PTPRA: variants seen among roughly 807,000 people sequenced by gnomAD.
PTPRA encodes protein tyrosine phosphatase receptor type A.
PTPRA carries 25 observed loss-of-function variants against 104.8 expected under a neutral mutation model. That is an observed-to-expected ratio of 0.24 (90% confidence interval 0.17 to 0.33). The LOEUF (loss-of-function observed/expected upper bound fraction) is 0.33. Ranked by LOEUF, PTPRA falls within the 10% of genes least tolerant of loss-of-function variation. The pLI, the probability that PTPRA is intolerant of heterozygous loss-of-function variation, is 1.00. For missense variants in PTPRA, 765 were observed against 1,015.3 expected (o/e 0.75, Z 3.35); for synonymous variants, 323 against 368.9 (o/e 0.88, Z 1.43).
chr20:2,876,741 G>C (rs764578917), intron 1 of PTPRA, among the ~76,000 whole-genome samples: 3 of 152,194 alleles, frequency 2.0e-5, no homozygotes, highest in Non-Finnish European at 4.4e-5. Context: ...TTGATTTGCA[G>C]ACATGGAGCC....
the PTPRA span, chr20:2,864,990 C>T: frequency 3.1e-6 from 5 of 1,613,994 alleles, no homozygotes; most frequent in African/African-American, 4.0e-5. This position sits in a 1 kb window ranked among gnomAD's most constrained non-coding sequence, Gnocchi z 5.2. Context: ...TATTGAGGGG[C>T]GAGTAGCAGC....
chr20:2,916,603 G>C (rs1452423534), intron 1 of PTPRA, among the ~76,000 whole-genome samples: 1 of 152,156 alleles, frequency 6.6e-6, no homozygotes, highest in East Asian at 1.9e-4. Flanking sequence ...CTTCTGGGAG[G>C]GTGAGGCAGA....
At chr20:2,903,118 A>G (rs553996551) in intron 1 of PTPRA, among the ~76,000 whole-genome samples, 1 of 152,202 alleles carries the variant, frequency 6.6e-6, no homozygotes, top group Non-Finnish European at 1.5e-5. Context: ...TGACTGCTCA[A>G]AGGAAATGCT....
intron 11 of PTPRA, among the ~76,000 whole-genome samples, chr20:3,008,350 G>A (rs994238579): frequency 1.3e-5 from 2 of 152,052 alleles, no homozygotes; most frequent in Non-Finnish European, 2.9e-5. Context: ...ATCATGGTAA[G>A]TGAAATAAGC....
At chr20:2,901,011 G>C (rs1014221481) in intron 1 of PTPRA, among the ~76,000 whole-genome samples, 3 of 151,756 alleles carry the variant, frequency 2.0e-5, no homozygotes, top group Non-Finnish European at 2.9e-5. Flanking sequence ...TTGCTCTGTT[G>C]CCCAGGCTAG....
At chr20:2,919,903 T>C (rs1050587180) in intron 1 of PTPRA, among the ~76,000 whole-genome samples, 1 of 152,228 alleles carries the variant, frequency 6.6e-6, no homozygotes. Context: ...AAAAGAAGAA[T>C]ACTATTTTGT....
At chr20:2,963,083 A>G (rs2061816426) in intron 3 of PTPRA, among the ~76,000 whole-genome samples, 1 of 152,212 alleles carries the variant, frequency 6.6e-6, no homozygotes, top group Non-Finnish European at 1.5e-5. Context: ...TGGTGGGGAC[A>G]TGCTACTATC....
At chr20:2,909,785 AAT>A (rs1371797401) in intron 1 of PTPRA, among the ~76,000 whole-genome samples, 3 of 134,362 alleles carry the variant, frequency 2.2e-5, no homozygotes, top group African/African-American at 8.4e-5. Context: ...AAGATAATAT[AAT>A]ATATATTAGA....
intron 1 of PTPRA, among the ~76,000 whole-genome samples, chr20:2,914,445 CTGTG>C (rs35272226): frequency 0.039 from 5,648 of 145,560 alleles, 135 homozygotes; most frequent in South Asian, 0.068. Flanking sequence ...ATTTCTTGCT[CTGTG>C]TGTGTGTGTG....
chr20:3,035,828 T>C lies in PTPRA; in HGVS notation c.2085T>C (p.His695=), dbSNP rs773398486. The change falls in exon 22 of 24, where the codon CAT becomes CAC. Residue 695 remains histidine (H), a synonymous_variant. Transcript: ENST00000399903. The surrounding 1 kb of genome is among the most constrained non-coding windows in gnomAD (Gnocchi z 5.8). ...KSRQIRQFHF[H]GWPEVGIPSD... Reference sequence around the variant, plus strand: ...GGCAGATCCGGCAGTTCCACTTCCATGGCTGGCCTGAAGTGGGCATCCCCA... The same window carrying C: ...GGCAGATCCGGCAGTTCCACTTCCACGGCTGGCCTGAAGTGGGCATCCCCA... 5.6e-6 allele frequency: 9 copies of C among 1,614,214 alleles called. No individual in the cohort carries two copies. The highest frequency in any genetic ancestry group is 7.6e-6 in the Non-Finnish European group (9 of 1,180,036).
chr20:2,930,569 T>C (rs2060468887), intron 2 of PTPRA, among the ~76,000 whole-genome samples: 1 of 152,168 alleles, frequency 6.6e-6, no homozygotes, highest in Admixed American at 6.5e-5. Flanking sequence ...TGGTTCCTTC[T>C]TGGGGGGAAT....
At chr20:2,896,916 T>C (rs2059021602) in intron 1 of PTPRA, among the ~76,000 whole-genome samples, 1 of 152,252 alleles carries the variant, frequency 6.6e-6, no homozygotes. Flanking sequence ...CAGTCTTTCC[T>C]TATTTTCAGT....
chr20:2,919,506 G>A (rs931508803), intron 1 of PTPRA, among the ~76,000 whole-genome samples: 4 of 152,156 alleles, frequency 2.6e-5, no homozygotes, highest in Admixed American at 2.6e-4. Context: ...GCTAGGCTCT[G>A]TGGATATTAT....
chr20:2,875,879 G>T (rs1023410791), intron 1 of PTPRA, among the ~76,000 whole-genome samples: 1 of 152,092 alleles, frequency 6.6e-6, no homozygotes, highest in Admixed American at 6.5e-5. Context: ...GGGACGGGGG[G>T]GCCTTCGGAT....
intron 11 of PTPRA, among the ~76,000 whole-genome samples, chr20:3,010,356 C>T (rs2064102707): frequency 2.0e-5 from 3 of 151,528 alleles, no homozygotes; most frequent in East Asian, 4.0e-4. Flanking sequence ...CAGCCGGGTG[C>T]GGTGGCTCAC....
intron 9 of PTPRA, among the ~76,000 whole-genome samples, chr20:2,992,686 G>A (rs1374652898): frequency 2.2e-5 from 1 of 45,820 alleles, no homozygotes; most frequent in Non-Finnish European, 3.5e-5. Context: ...CAAATATTAC[G>A]ATTCTTCTGT....
At chr20:3,007,090 CTTTCTT>C (rs1302527990) in intron 10 of PTPRA, among the ~76,000 whole-genome samples, 1 of 152,104 alleles carries the variant, frequency 6.6e-6, no homozygotes, top group African/African-American at 2.4e-5. Flanking sequence ...TGTCAAGAAA[CTTTCTT>C]TTTTCTCAAC....
chr20:2,946,811 G>A (rs1482009503), intron 2 of PTPRA, among the ~76,000 whole-genome samples: 2 of 151,682 alleles, frequency 1.3e-5, no homozygotes, highest in East Asian at 1.9e-4. Flanking sequence ...TCACGCCACT[G>A]CACTCCAGCC....
At chr20:2,934,797 G>A (rs1022095423) in intron 2 of PTPRA, among the ~76,000 whole-genome samples, 6 of 148,330 alleles carry the variant, frequency 4.0e-5, no homozygotes, top group African/African-American at 1.2e-4. Context: ...TCAGCCTCCC[G>A]AGTAGCTGGA....
Sources: gnomAD v4.1 joint callset for allele counts (sites outside exome capture counted in the v4.1 genomes callset) on GRCh38, gnomAD v4.1.1 for gene constraint, Gnocchi (gnomAD v3.1) non-coding constraint, MANE v1.5 for transcripts, NCBI Gene and HGNC (gene_info 2026-07-23, HGNC 2026-07-21) for gene names.